Variants in COL21A1 observed in about 807,000 individuals in gnomAD.
The protein encoded by COL21A1 is collagen alpha-1(XXI) chain.
A neutral mutation model predicts 137.9 loss-of-function variants in COL21A1; 149 were observed. The ratio of observed to expected loss-of-function variants is 1.08; its 90% CI spans 0.95 to 1.24. The LOEUF (loss-of-function observed/expected upper bound fraction) is 1.24. Ranked by LOEUF, COL21A1 falls within the 50% of genes most tolerant of loss-of-function variation. COL21A1 has a pLI of 0.00. For missense variants in COL21A1, 1,167 were observed against 1,158.4 expected (o/e 1.01, Z -0.11); for synonymous variants, 456 against 391.5 (o/e 1.16, Z -1.95).
At chr6:56,072,628 A>G (rs1766857765) in intron 20 of COL21A1, among the ~76,000 whole-genome samples, 2 of 151,500 alleles carry the variant, frequency 1.3e-5, no homozygotes, top group Non-Finnish European at 3.0e-5. Flanking sequence ...AAGTTTAACC[A>G]GAACATAGCC....
At chr6:56,296,831 A>T (rs957257173) in intron 1 of COL21A1, among the ~76,000 whole-genome samples, 1 of 152,070 alleles carries the variant, frequency 6.6e-6, no homozygotes, top group Non-Finnish European at 1.5e-5. Flanking sequence ...TCTAGGCACT[A>T]AATATATGAA....
chr6:56,250,307 G>A (rs1040474463), upstream of COL21A1, among the ~76,000 whole-genome samples: 1 of 152,160 alleles, frequency 6.6e-6, no homozygotes, highest in Non-Finnish European at 1.5e-5. Context: ...TGTATGGATG[G>A]GTTTGATCTG....
At chr6:56,074,344 A>C (rs1767025106) in intron 19 of COL21A1, 59 bp from the exon 20 acceptor site, 2 of 1,151,240 alleles carry the variant, frequency 1.7e-6, no homozygotes, top group East Asian at 2.5e-5. Context: ...AAAAATATTA[A>C]ATCAATTTCC....
At chr6:56,177,968 A>G (rs1040380732) in intron 3 of COL21A1, among the ~76,000 whole-genome samples, 4 of 152,146 alleles carry the variant, frequency 2.6e-5, no homozygotes, top group Non-Finnish European at 2.9e-5. Flanking sequence ...GCAAGATTTC[A>G]ATTTTGATTG....
At chr6:56,324,433 A>G (rs528274912) in intron 1 of COL21A1, among the ~76,000 whole-genome samples, 2 of 152,224 alleles carry the variant, frequency 1.3e-5, no homozygotes, top group African/African-American at 4.8e-5. Flanking sequence ...TGGTCCAGTG[A>G]GCAGCCTGTG....
intron 1 of COL21A1, among the ~76,000 whole-genome samples, chr6:56,303,149 G>C (rs1363727541): frequency 2.0e-5 from 3 of 152,202 alleles, no homozygotes; most frequent in African/African-American, 7.2e-5. Context: ...AGTATAGTTT[G>C]AAGTCAGGTA....
At chr6:56,365,817 T>G (rs150500110) in intron 1 of COL21A1, among the ~76,000 whole-genome samples, 1 of 152,190 alleles carries the variant, frequency 6.6e-6, no homozygotes, top group Non-Finnish European at 1.5e-5. Flanking sequence ...CTTTACACCA[T>G]GTATAACAAC....
At chr6:56,258,186 T>C (rs562413020) in intron 1 of COL21A1, among the ~76,000 whole-genome samples, 1 of 152,322 alleles carries the variant, frequency 6.6e-6, no homozygotes, top group Admixed American at 6.5e-5. Flanking sequence ...CATTCACATG[T>C]ATTTTTAGCA....
chr6:56,186,974 A>G (rs992867752), intron 1 of COL21A1, among the ~76,000 whole-genome samples: 5 of 152,236 alleles, frequency 3.3e-5, no homozygotes, highest in African/African-American at 1.2e-4. Flanking sequence ...TCTTAATAAC[A>G]AAGTTGGAGA....
At chr6:56,369,095 G>A (rs943407711) in intron 1 of COL21A1, among the ~76,000 whole-genome samples, 9 of 151,988 alleles carry the variant, frequency 5.9e-5, no homozygotes, top group Admixed American at 6.6e-5. Context: ...GCTGAATATC[G>A]AGAACCAATT....
At chr6:56,162,908 C>T (rs1029397888) in intron 9 of COL21A1, among the ~76,000 whole-genome samples, 1 of 152,196 alleles carries the variant, frequency 6.6e-6, no homozygotes, top group African/African-American at 2.4e-5. Flanking sequence ...TTTGAATTAA[C>T]TCTTCTAAAT....
chr6:56,162,530 G>A (rs1216710061), intron 9 of COL21A1, among the ~76,000 whole-genome samples: 1 of 152,088 alleles, frequency 6.6e-6, no homozygotes. Flanking sequence ...GACATCTATT[G>A]GACCACAAAT....
chr6:56,177,791 CAAAAA>C, intron 3 of COL21A1, among the ~76,000 whole-genome samples: 2 of 69,364 alleles, frequency 2.9e-5, no homozygotes, highest in African/African-American at 6.1e-5. Context: ...GACTCTGCCT[CAAAAA>C]AAAAAAAAAA....
intron 17 of COL21A1, among the ~76,000 whole-genome samples, chr6:56,088,220 T>C (rs12199385): frequency 0.15 from 23,079 of 151,990 alleles, 1,779 homozygotes; most frequent in Middle Eastern, 0.22. Flanking sequence ...AAAAATTAGC[T>C]GGGCATGGTG....
At chr6:56,109,524 A>G (rs574557251) in intron 16 of COL21A1, among the ~76,000 whole-genome samples, 1 of 151,944 alleles carries the variant, frequency 6.6e-6, no homozygotes, top group Admixed American at 6.5e-5. Context: ...GCTTAAACAG[A>G]CAAATTCCCA....
intron 1 of COL21A1, among the ~76,000 whole-genome samples, chr6:56,368,625 C>T (rs575990792): frequency 6.6e-6 from 1 of 152,324 alleles, no homozygotes; most frequent in South Asian, 2.1e-4. Context: ...TCCTCACCCC[C>T]CTTAAAATTC....
Position 56,202,789 on chromosome 6 carries a change from T to C in COL21A1, c.-38-20133A>G, listed in dbSNP as rs1002770218. Among the ~76,000 whole-genome samples the C allele has an allele frequency of 2.6e-5, 4 of 152,216 alleles. No homozygotes were observed. The South Asian group carries it at 8.3e-4, about 32-fold the overall frequency. On this transcript the variant is annotated intron_variant, in intron 1 of 29. Coordinates refer to ENST00000244728, the MANE Select transcript of COL21A1 (RefSeq NM_030820.4). ...GTAACTTGCTTGTCTGGAGTTTGCA[T>C]GAATAGTTTAAAAATCTAATCTGGC...
chr6:56,199,212 T>C (rs919808503), intron 1 of COL21A1, among the ~76,000 whole-genome samples: 1 of 152,182 alleles, frequency 6.6e-6, no homozygotes, highest in African/African-American at 2.4e-5. Flanking sequence ...CAGAAAGTCC[T>C]TGGTTACTTG....
At position 56,098,700 on chromosome 6, in the gene COL21A1, T is replaced by A. The variant is rs192726442; in HGVS notation, c.1812+2772A>T. On this transcript the variant is annotated intron_variant, in intron 17 of 29. Transcript: ENST00000244728. ...ATAAATATATATAAATATATAAATA[T>A]ATATATAAATATATATAAATATATA... Among the ~76,000 whole-genome samples, 30 of 60,246 alleles carry A rather than the reference T, an allele frequency of 5.0e-4. 2 individuals are homozygous for A. The highest frequency in any genetic ancestry group is 1.1e-3 in the African/African-American group (17 of 15,888). The allele number at this position is 60,246 out of a possible 152,430, so 39.5% of individuals were successfully genotyped here. A position where few individuals can be genotyped will look rare whatever the true frequency, so the allele number is the denominator to read the frequency against.
Sources: allele counts gnomAD v4.1 joint callset (sites outside exome capture counted in the v4.1 genomes callset), GRCh38; gene constraint gnomAD v4.1.1; transcripts MANE v1.5; gene names NCBI Gene and HGNC (gene_info 2026-07-23, HGNC 2026-07-21).